R3HCC1L: variants seen among roughly 807,000 people sequenced by gnomAD.
The protein encoded by R3HCC1L is coiled-coil domain-containing protein R3HCC1L.
A neutral mutation model predicts 59.9 loss-of-function variants in R3HCC1L; 51 were observed. That is an observed-to-expected ratio of 0.85 (90% CI 0.68 to 1.07). The LOEUF (loss-of-function observed/expected upper bound fraction) is 1.07. Ranked by LOEUF, R3HCC1L falls within the 50% of genes least tolerant of loss-of-function variation. The pLI is 0.00. For synonymous variants in R3HCC1L, 322 were observed against 315.2 expected (o/e 1.02, Z -0.23); for missense variants, 965 against 933.0 (o/e 1.03, Z -0.45).
Position 98,172,804 on chromosome 10 carries a change from G to T in R3HCC1L, c.-15+9407G>T, listed in dbSNP as rs372185904. ...CAGCCTAGTATGTATTCAGTATGAG[G>T]CTGTAGCCCAAGCTTACTTCCCATA... On this transcript the variant is annotated intron_variant, in intron 4 of 9. Transcript: ENST00000298999. Among the ~76,000 whole-genome samples, 21 of 152,272 alleles carry T rather than the reference G, an allele frequency of 1.4e-4. No homozygotes were observed. The East Asian group carries it at 2.9e-3, about 21-fold the overall frequency.
At chr10:98,203,693 G>A (rs1015192976) in intron 4 of R3HCC1L, among the ~76,000 whole-genome samples, 2 of 152,172 alleles carry the variant, frequency 1.3e-5, no homozygotes, top group African/African-American at 2.4e-5. Context: ...ATGTTCTGTT[G>A]TGAAAATATG....
At position 98,209,732 on chromosome 10, in the gene R3HCC1L, G is replaced by A. The variant is rs1853323329; in HGVS notation, c.1618G>A (p.Glu540Lys). 1 of 1,613,912 alleles carries A rather than the reference G, an allele frequency of 6.2e-7. No homozygotes were observed. Among genetic ancestry groups the A allele is most frequent in the Non-Finnish European group, 8.5e-7 (1 of 1,179,876 alleles). The change falls in exon 5 of 10, where the codon GAA (glutamate) becomes AAA (lysine). Residue 540 changes from glutamate to lysine, a missense_variant. Glu to Lys is a moderately conservative substitution (Grantham distance 56). Coordinates refer to ENST00000298999, the MANE Select transcript of R3HCC1L (RefSeq NM_001351015.2). ...AGAGCAAGATGACTCAGGGAGTATA[G>A]AATTTGGTGTATCTTTTCCTGATAG... ...TEEQDDSGSI[E>K]FGVSFPDRES...
intron 4 of R3HCC1L, among the ~76,000 whole-genome samples, chr10:98,204,526 T>G (rs547722218): frequency 7.2e-4 from 109 of 152,352 alleles, no homozygotes; most frequent in Middle Eastern, 3.4e-3. Context: ...ACTCCCAATG[T>G]GAAAAGCGTT....
intron 5 of R3HCC1L, among the ~76,000 whole-genome samples, chr10:98,225,330 A>G (rs1855550124): frequency 1.3e-5 from 2 of 152,162 alleles, no homozygotes; most frequent in African/African-American, 4.8e-5. Flanking sequence ...CCTCACTTCC[A>G]TCTTCATCCC....
chr10:98,139,150 A>AT (rs1844880604), intron 1 of R3HCC1L, among the ~76,000 whole-genome samples: 2 of 152,198 alleles, frequency 1.3e-5, no homozygotes, highest in Non-Finnish European at 2.9e-5. Context: ...CCTTGTCCTC[A>AT]TTAGCTCCAT....
At chr10:98,154,601 A>G (rs1027670689) in intron 1 of R3HCC1L, among the ~76,000 whole-genome samples, 3 of 151,316 alleles carry the variant, frequency 2.0e-5, no homozygotes, top group Non-Finnish European at 4.4e-5. Flanking sequence ...ACTTAGCCAC[A>G]TAGCCACACC....
At chr10:98,190,094 T>G (rs117477047) in intron 4 of R3HCC1L, among the ~76,000 whole-genome samples, 1,671 of 152,314 alleles carry the variant, frequency 0.011, 14 homozygotes, top group South Asian at 0.04. Context: ...AGATTACTTA[T>G]ACCTAATACA....
intron 2 of R3HCC1L, among the ~76,000 whole-genome samples, chr10:98,160,565 ATTTTCCTTCTCTAACATTCTTTCCCTTCT>A (rs1847315979): frequency 6.6e-6 from 1 of 152,146 alleles, no homozygotes; most frequent in Non-Finnish European, 1.5e-5. Flanking sequence ...ACTTGGATTA[ATTTTCCTTCTCTAACATTCTTTCCCTTCT>A]CCCTGGGGTT....
chr10:98,238,089 C>T (rs562662686), intron 9 of R3HCC1L, among the ~76,000 whole-genome samples: 56 of 152,252 alleles, frequency 3.7e-4, no homozygotes, highest in African/African-American at 1.2e-3. Flanking sequence ...TCTCTTGCTC[C>T]TGTTTCTATA....
chr10:98,170,156 A>G (rs1203446860), intron 4 of R3HCC1L, among the ~76,000 whole-genome samples: 2 of 152,286 alleles, frequency 1.3e-5, no homozygotes, highest in Middle Eastern at 3.4e-3. Context: ...TATTGTGAGC[A>G]TATACTCGGT....
chr10:98,204,010 CT>C (rs1852339797), intron 4 of R3HCC1L, among the ~76,000 whole-genome samples: 4 of 152,122 alleles, frequency 2.6e-5, no homozygotes, highest in Admixed American at 2.6e-4. Context: ...CATAAATTAG[CT>C]GCAAAATGCA....
intron 2 of R3HCC1L, among the ~76,000 whole-genome samples, chr10:98,157,337 T>C (rs918710377): frequency 1.3e-5 from 2 of 152,184 alleles, no homozygotes; most frequent in African/African-American, 4.8e-5. Context: ...GGTGGGGCGA[T>C]AGATTTTAGG....
Position 98,208,192 on chromosome 10 carries a change from G to A in R3HCC1L, c.78G>A (p.Arg26=). 6.2e-7 allele frequency: 1 copy of A among 1,613,978 alleles called. No homozygotes were observed. The highest frequency in any genetic ancestry group is 8.5e-7 in the Non-Finnish European group (1 of 1,179,998). The change falls in exon 5 of 10, where the codon AGG becomes AGA. Residue 26 remains arginine (R), a synonymous_variant. Transcript: ENST00000298999. ...CACTTTATGTACCTAAAGCTCGTAG[G>A]GGTGCAGTACTCCTTAAGACAGGTG... ...DMALYVPKAR[R]GAVLLKTGDE...
chr10:98,176,455 C>G (rs1849024984), intron 4 of R3HCC1L, among the ~76,000 whole-genome samples: 1 of 152,124 alleles, frequency 6.6e-6, no homozygotes, highest in African/African-American at 2.4e-5. Context: ...TGTACACATA[C>G]TCTGTTAGAT....
chr10:98,149,620 T>A (rs1845962457), intron 1 of R3HCC1L, among the ~76,000 whole-genome samples: 1 of 152,262 alleles, frequency 6.6e-6, no homozygotes, highest in Admixed American at 6.5e-5. Context: ...GTTGCTTAAT[T>A]TCCATGCATC....
intron 5 of R3HCC1L, among the ~76,000 whole-genome samples, chr10:98,225,135 TTTTAC>T (rs1855526593): frequency 6.6e-6 from 1 of 152,194 alleles, no homozygotes; most frequent in African/African-American, 2.4e-5. Context: ...CCTAGCCACA[TTTTAC>T]TTATTACATA....
intron 1 of R3HCC1L, among the ~76,000 whole-genome samples, chr10:98,138,142 T>A (rs968003101): frequency 6.6e-6 from 1 of 152,234 alleles, no homozygotes; most frequent in African/African-American, 2.4e-5. Context: ...TATTTTTTAC[T>A]TCCTTCAAGT....
At chr10:98,243,435 T>C (rs986959793) in intron 9 of R3HCC1L, among the ~76,000 whole-genome samples, 2 of 152,226 alleles carry the variant, frequency 1.3e-5, no homozygotes, top group African/African-American at 4.8e-5. Context: ...GTGAAAGTGT[T>C]ATGGAGAACC....
chr10:98,221,986 C>T (rs928458124), intron 5 of R3HCC1L, among the ~76,000 whole-genome samples: 22 of 152,152 alleles, frequency 1.4e-4, no homozygotes, highest in Admixed American at 1.0e-3. Flanking sequence ...GCCATTTTCT[C>T]GATATTGATT....
Sources: allele counts gnomAD v4.1 joint callset (sites outside exome capture counted in the v4.1 genomes callset), GRCh38; gene constraint gnomAD v4.1.1; transcripts MANE v1.5; gene names NCBI Gene and HGNC (gene_info 2026-07-23, HGNC 2026-07-21).